Variants in TNR observed in about 807,000 individuals in gnomAD.
TNR encodes tenascin R, also known as tenascin-R.
A neutral mutation model predicts 150.4 loss-of-function variants in TNR; 45 were observed. The ratio of observed to expected loss-of-function variants is 0.30; its 90% CI spans 0.24 to 0.38. The LOEUF (loss-of-function observed/expected upper bound fraction) is 0.38, where lower values mean the gene tolerates loss of function less well. Ranked by LOEUF, TNR falls within the 10% of genes least tolerant of loss-of-function variation. TNR has a pLI of 1.00. For synonymous variants in TNR, 687 were observed against 678.4 expected (o/e 1.01, Z -0.20); for missense variants, 1,544 against 1,759.1 (o/e 0.88, Z 2.19).
intron 21 of TNR, among the ~76,000 whole-genome samples, chr1:175,328,594 A>C (rs1433100896): frequency 6.6e-6 from 1 of 152,192 alleles, no homozygotes; most frequent in Non-Finnish European, 1.5e-5. Flanking sequence ...TCATCTTTTG[A>C]AGAAGATGAA....
intron 1 of TNR, among the ~76,000 whole-genome samples, chr1:175,578,634 C>T (rs375707460): frequency 2.6e-5 from 4 of 152,210 alleles, no homozygotes; most frequent in African/African-American, 9.6e-5. Context: ...TTCACTGCCT[C>T]TGCCTAGTCT....
At chr1:175,674,870 T>C (rs916957447) in intron 1 of TNR, among the ~76,000 whole-genome samples, 3 of 152,124 alleles carry the variant, frequency 2.0e-5, no homozygotes, top group East Asian at 3.9e-4. Context: ...GATTTTTTAA[T>C]TGGATTGTGA....
intron 1 of TNR, among the ~76,000 whole-genome samples, chr1:175,581,125 G>C (rs1662333055): frequency 6.6e-6 from 1 of 152,186 alleles, no homozygotes. Flanking sequence ...TCTGCATGGT[G>C]TTGTGGCTGG....
intron 1 of TNR, among the ~76,000 whole-genome samples, chr1:175,690,166 T>C (rs1666317790): frequency 6.6e-6 from 1 of 151,606 alleles, no homozygotes; most frequent in South Asian, 2.1e-4. Flanking sequence ...TTCTATTACA[T>C]TGCCGTGGAT....
chr1:175,377,309 G>A (rs144304386), intron 9 of TNR, among the ~76,000 whole-genome samples: 1 of 152,098 alleles, frequency 6.6e-6, no homozygotes, highest in Non-Finnish European at 1.5e-5. Flanking sequence ...AGGACGTGGG[G>A]TTTTCTATCT....
intron 20 of TNR, among the ~76,000 whole-genome samples, chr1:175,330,986 T>C (rs1649720964): frequency 2.0e-5 from 3 of 151,860 alleles, no homozygotes; most frequent in Admixed American, 6.6e-5. Context: ...AGAGTCCAGA[T>C]CCCTCTTGGT....
At chr1:175,720,982 T>C (rs1439584169) in intron 1 of TNR, among the ~76,000 whole-genome samples, 1 of 152,218 alleles carries the variant, frequency 6.6e-6, no homozygotes, top group Non-Finnish European at 1.5e-5. Context: ...AACCCTCTCA[T>C]TTTTCAGATG....
At chr1:175,558,196 G>A (rs1266899678) in intron 1 of TNR, among the ~76,000 whole-genome samples, 18 of 142,348 alleles carry the variant, frequency 1.3e-4, no homozygotes, top group South Asian at 4.8e-4. Flanking sequence ...TGGGTGCAGC[G>A]CACCAGCATG....
intron 22 of TNR, 146 bp from the exon 23 acceptor site, chr1:175,323,622 A>G (rs767746587): frequency 1.9e-5 from 22 of 1,176,586 alleles, no homozygotes; most frequent in Non-Finnish European, 2.5e-5. Context: ...CGAGTTCCCA[A>G]TAAAGTGAAA....
intron 22 of TNR, 68 bp downstream of exon 22, chr1:175,324,288 T>C (rs2213635): frequency 0.74 from 1,110,096 of 1,510,148 alleles, 409,327 homozygotes; most frequent in East Asian, 0.83. Flanking sequence ...GCTTTTAAAA[T>C]ATAAAGCTAA....
At chr1:175,376,528 A>G (rs1413614595) in intron 9 of TNR, among the ~76,000 whole-genome samples, 1 of 152,254 alleles carries the variant, frequency 6.6e-6, no homozygotes, top group Non-Finnish European at 1.5e-5. Context: ...ATTCAGATCA[A>G]ACTGTGTCTG....
rs552139888 is a variant in TNR, at chr1:175,523,109, A to T, written c.-64+5160T>A. On this transcript the variant is annotated intron_variant, in intron 2 of 22. Coordinates refer to ENST00000367674, the MANE Select transcript of TNR (RefSeq NM_003285.3). ...TTCTCAATATTTGTACATGGTTTTC[A>T]TATTCAATCAATACAATCATCTGTT... 7.2e-5 allele frequency among the ~76,000 whole-genome samples: 11 copies of T among 152,298 alleles called. No individual in the cohort carries two copies. In the East Asian group the frequency reaches 2.1e-3, roughly 29 times the overall value.
At chr1:175,688,849 CT>C (rs1666273726) in intron 1 of TNR, among the ~76,000 whole-genome samples, 1 of 152,218 alleles carries the variant, frequency 6.6e-6, no homozygotes, top group Admixed American at 6.5e-5. Flanking sequence ...CAGAGAGTTT[CT>C]TCCATGCTGC....
At chr1:175,572,449 T>C (rs112489737) in intron 1 of TNR, among the ~76,000 whole-genome samples, 8,390 of 152,032 alleles carry the variant, frequency 0.055, 775 homozygotes, top group African/African-American at 0.19. Context: ...AGAAAAAAAA[T>C]GGACAGATAA....
chr1:175,682,081 T>C (rs1447321854), intron 1 of TNR, among the ~76,000 whole-genome samples: 1 of 152,166 alleles, frequency 6.6e-6, no homozygotes, highest in Non-Finnish European at 1.5e-5. Flanking sequence ...AGCATAAGGA[T>C]GGTTTTAATC....
intron 2 of TNR, among the ~76,000 whole-genome samples, chr1:175,466,201 G>C (rs1057427717): frequency 6.6e-6 from 1 of 152,208 alleles, no homozygotes; most frequent in African/African-American, 2.4e-5. Flanking sequence ...TGGAAACTGA[G>C]GCTCATGGAG....
At chr1:175,488,363 T>A (rs965053040) in intron 2 of TNR, among the ~76,000 whole-genome samples, 3 of 152,202 alleles carry the variant, frequency 2.0e-5, no homozygotes, top group Admixed American at 6.5e-5. Context: ...GAATGGAGGA[T>A]GAAAATAAAT....
intron 1 of TNR, among the ~76,000 whole-genome samples, chr1:175,721,467 C>G (rs1208982356): frequency 6.6e-6 from 1 of 152,136 alleles, no homozygotes; most frequent in African/African-American, 2.4e-5. Context: ...GTGTTCACCC[C>G]ACCCAGGTTT....
At chr1:175,669,366 G>C (rs935781405) in intron 1 of TNR, among the ~76,000 whole-genome samples, 1 of 152,148 alleles carries the variant, frequency 6.6e-6, no homozygotes, top group Non-Finnish European at 1.5e-5. Flanking sequence ...AAACCTCCAA[G>C]TTTGTCTAAT....
Sources: gnomAD v4.1 joint callset for allele counts (sites outside exome capture counted in the v4.1 genomes callset) on GRCh38, gnomAD v4.1.1 for gene constraint, MANE v1.5 for transcripts, NCBI Gene and HGNC (gene_info 2026-07-23, HGNC 2026-07-21) for gene names.